The following SESN2 variants were observed in gnomAD, a reference collection of about 807,000 sequenced individuals.
SESN2 encodes the protein sestrin 2, also known as sestrin-2.
In SESN2, 42 loss-of-function variants were observed where a neutral mutation model predicts 56.0. The ratio of observed to expected loss-of-function variants is 0.75; its 90% CI spans 0.59 to 0.97. The LOEUF (loss-of-function observed/expected upper bound fraction) is 0.97, where lower values mean the gene tolerates loss of function less well. Among genes scored for constraint, SESN2 ranks in the 50% least tolerant of loss-of-function variants. The pLI, the probability that SESN2 is intolerant of heterozygous loss-of-function variation, is 0.00. For synonymous variants in SESN2, 264 were observed against 267.1 expected (o/e 0.99, Z 0.11); for missense variants, 507 against 649.4 (o/e 0.78, Z 2.38).
At chr1:28,277,150 G>A (rs557141175) in intron 8 of SESN2, among the ~76,000 whole-genome samples, 7 of 149,490 alleles carry the variant, frequency 4.7e-5, no homozygotes, top group African/African-American at 1.7e-4. Flanking sequence ...CTCATGATCC[G>A]CCCACCTTGG....
chr1:28,277,510 C>T (rs999086895), intron 8 of SESN2, among the ~76,000 whole-genome samples: 1 of 152,212 alleles, frequency 6.6e-6, no homozygotes, highest in African/African-American at 2.4e-5. Context: ...GCCACCACAC[C>T]TGGCACCTTT....
rs748141593 is a variant in SESN2 at position 28,271,817 on chromosome 1, G to A, written c.300G>A (p.Leu100=). 3.1e-6 allele frequency: 5 copies of A among 1,614,220 alleles called. No homozygotes were observed. Among genetic ancestry groups the A allele is most frequent in the South Asian group, 1.1e-5 (1 of 91,088 alleles). ...GCTTCTGGCGCCTGCACTACCTGCTGCTGCACACGGATGGTCCCTTGGCCA... is the reference window on the plus strand; with the variant it reads ...GCTTCTGGCGCCTGCACTACCTGCTACTGCACACGGATGGTCCCTTGGCCA... The part of the protein sequence containing the change: ...FTSFWRLHYL[L]LHTDGPLASS... Residue 100 remains leucine (L), a synonymous_variant, in exon 3 of 10, where the codon CTG becomes CTA. Transcript: ENST00000253063.
At chr1:28,262,662 C>T (rs1298778091) in intron 1 of SESN2, among the ~76,000 whole-genome samples, 5 of 145,624 alleles carry the variant, frequency 3.4e-5, no homozygotes, top group Non-Finnish European at 7.5e-5. Context: ...GGCGCGGTGG[C>T]TCGCACCTGT....
chr1:28,269,094 C>A, intron 1 of SESN2, 89 bp from the exon 2 acceptor site: 1 of 897,662 alleles, frequency 1.1e-6, no homozygotes, highest in Non-Finnish European at 1.7e-6. Flanking sequence ...TTCAGTGTAG[C>A]CCCTTGGATA....
intron 9 of SESN2, among the ~76,000 whole-genome samples, chr1:28,279,725 T>A (rs553872967): frequency 6.6e-6 from 1 of 152,098 alleles, no homozygotes; most frequent in South Asian, 2.1e-4. Context: ...TTTTGTATTT[T>A]TAGTAGAGAC....
intron 5 of SESN2, among the ~76,000 whole-genome samples, chr1:28,273,065 T>G (rs1450542128): frequency 6.6e-6 from 1 of 152,238 alleles, no homozygotes; most frequent in Non-Finnish European, 1.5e-5. Context: ...GTTTTAGCAC[T>G]TTAAAACTAC....
At chr1:28,264,654 G>A (rs1309612398) in intron 1 of SESN2, among the ~76,000 whole-genome samples, 2 of 152,024 alleles carry the variant, frequency 1.3e-5, no homozygotes, top group Non-Finnish European at 2.9e-5. Flanking sequence ...CACTACATGT[G>A]GCTATTTAAA....
chr1:28,265,121 T>C (rs1647511927), intron 1 of SESN2, among the ~76,000 whole-genome samples: 1 of 152,208 alleles, frequency 6.6e-6, no homozygotes, highest in Non-Finnish European at 1.5e-5. Context: ...GTCCAGGTAG[T>C]GCATGTGAAA....
At chr1:28,276,645 TCTC>T (rs1373167280) in intron 8 of SESN2, among the ~76,000 whole-genome samples, 2 of 140,882 alleles carry the variant, frequency 1.4e-5, no homozygotes, top group Non-Finnish European at 3.0e-5. Flanking sequence ...AATGGGGTGA[TCTC>T]AGCTCACTGC....
At chr1:28,269,517 T>G (rs1165709489) in intron 2 of SESN2, among the ~76,000 whole-genome samples, 2 of 152,178 alleles carry the variant, frequency 1.3e-5, no homozygotes, top group Admixed American at 1.3e-4. Context: ...TTTTGATTCC[T>G]AGATCAGTGC....
At position 28,272,667 on chromosome 1, in the gene SESN2, C is replaced by T. The variant is rs373443967; in HGVS notation, c.624C>T (p.Ser208=). Residue 208 remains serine, a synonymous_variant, in exon 5 of 10, where the codon TCC becomes TCT. Coordinates refer to ENST00000253063, the MANE Select transcript of SESN2 (RefSeq NM_031459.5). ...LVLLTHCHSL[S]SFVFGCGILP... ...TGCTCACCCACTGCCACTCGCTCTC[C>T]TCCTTCGTGTTTGGCTGTGGCATCC... 18 of 1,614,158 alleles carry T rather than the reference C, an allele frequency of 1.1e-5. No homozygotes were observed. The African/African-American group carries it at 2.1e-4, about 19-fold the overall frequency.
chr1:28,280,590 G>C, intron 9 of SESN2, 126 bp from the exon 10 acceptor site: 1 of 739,856 alleles, frequency 1.4e-6, no homozygotes, highest in Non-Finnish European at 2.4e-6. Context: ...AGCCTTAGCA[G>C]ATGCTGGGGC....
chr1:28,272,920 ATTTGAC>A, intron 5 of SESN2, 127 bp downstream of exon 5: 1 of 623,106 alleles, frequency 1.6e-6, no homozygotes, highest in Non-Finnish European at 2.8e-6. Flanking sequence ...TAGAAAAGTT[ATTTGAC>A]TTTGAAGCTT....
Position 28,271,697 on chromosome 1 carries a change from C to T in SESN2, c.180C>T (p.Ser60=), listed in dbSNP as rs1465206454. ...VEEVLREGAE[S]LEQHLGLEAL... ...AGGTCCTTCGGGAGGGGGCTGAGAGCCTCGAGCAGCACCTGGGGCTGGAGG... is the reference window on the plus strand; with the variant it reads ...AGGTCCTTCGGGAGGGGGCTGAGAGTCTCGAGCAGCACCTGGGGCTGGAGG... Residue 60 remains serine (S), a synonymous_variant, in exon 3 of 10, where the codon AGC becomes AGT. Coordinates refer to ENST00000253063, the MANE Select transcript of SESN2 (RefSeq NM_031459.5). 1 of 1,614,046 alleles carries T rather than the reference C, an allele frequency of 6.2e-7. No individual in the cohort carries two copies. The highest frequency in any genetic ancestry group is 8.5e-7 in the Non-Finnish European group (1 of 1,180,028).
intron 1 of SESN2, among the ~76,000 whole-genome samples, chr1:28,262,338 T>C (rs534458525): frequency 6.6e-6 from 1 of 152,244 alleles, no homozygotes; most frequent in Non-Finnish European, 1.5e-5. Context: ...ACTGGTAGTA[T>C]TGGGCTCCCG....
At chr1:28,262,994 C>A (rs369889088) in intron 1 of SESN2, among the ~76,000 whole-genome samples, 4 of 152,140 alleles carry the variant, frequency 2.6e-5, no homozygotes, top group African/African-American at 9.7e-5. Context: ...CTTCCTCCCC[C>A]ACTAGATAAG....
Position 28,262,326 on chromosome 1 carries a change from G to GT in SESN2, c.90+2390dup, listed in dbSNP as rs1231212434. On this transcript the variant is annotated intron_variant, in intron 1 of 9. Coordinates refer to ENST00000253063, the MANE Select transcript of SESN2 (RefSeq NM_031459.5). ...AGAAAGTTCCAAGGGCTTCACTCTA[G>GT]TACTGGTAGTATTGGGCTCCCGAAT... 3.9e-5 allele frequency among the ~76,000 whole-genome samples: 6 copies of GT among 152,204 alleles called. No homozygotes were observed. The East Asian group carries it at 1.2e-3, about 29-fold the overall frequency.
At position 28,273,400 on chromosome 1, in the gene SESN2, A is replaced by C; in HGVS notation, c.793A>C (p.Met265Leu). ...ARDVEALMER[M>L]QQLQESLLRD... Reference sequence around the variant, plus strand: ...CGACGTGGAGGCGCTGATGGAGCGCATGCAGCAGCTGCAGGAGAGCCTGCT... The same window carrying C: ...CGACGTGGAGGCGCTGATGGAGCGCCTGCAGCAGCTGCAGGAGAGCCTGCT... Residue 265 changes from methionine (M) to leucine (L), a missense_variant, in exon 6 of 10, where the codon ATG becomes CTG. Transcript: ENST00000253063. 2 of 1,610,034 alleles carry C rather than the reference A, an allele frequency of 1.2e-6. No homozygotes were observed. The highest frequency in any genetic ancestry group is 1.1e-5 in the South Asian group (1 of 90,708).
chr1:28,273,500 C>T lies in SESN2; in HGVS notation c.893C>T (p.Thr298Ile). The part of the protein sequence containing the change: ...ELEKSESLLV[T>I]PSADILEPSP... ...GAGAAGTCAGAGAGCCTGCTGGTGA[C>T]CCCCTCAGGTACAGGGTCACAGGCA... Residue 298 changes from threonine (T) to isoleucine (I), a missense_variant, in exon 6 of 10, where the codon ACC (threonine) becomes ATC (isoleucine). By Grantham distance (89) the Thr-to-Ile change is moderately conservative. Coordinates refer to ENST00000253063, the MANE Select transcript of SESN2 (RefSeq NM_031459.5). 1.2e-6 allele frequency: 2 copies of T among 1,604,880 alleles called. No homozygotes were observed. Among genetic ancestry groups the T allele is most frequent in the Non-Finnish European group, 1.7e-6 (2 of 1,176,226 alleles).
Sources: allele counts gnomAD v4.1 joint callset (sites outside exome capture counted in the v4.1 genomes callset), GRCh38; gene constraint gnomAD v4.1.1; transcripts MANE v1.5; gene names NCBI Gene and HGNC (gene_info 2026-07-23, HGNC 2026-07-21).